The following IGF2BP2 variants were observed in gnomAD, a reference collection of about 807,000 sequenced individuals.
IGF2BP2 encodes the protein insulin like growth factor 2 mRNA binding protein 2.
In IGF2BP2, 17 loss-of-function variants were observed where a neutral mutation model predicts 75.8. The ratio of observed to expected loss-of-function variants is 0.22; its 90% confidence interval spans 0.15 to 0.34. The LOEUF (loss-of-function observed/expected upper bound fraction) is 0.34, where lower values mean the gene tolerates loss of function less well. Among genes scored for constraint, IGF2BP2 ranks in the 10% least tolerant of loss-of-function variants. The pLI, the probability that IGF2BP2 is intolerant of heterozygous loss-of-function variation, is 1.00. For missense variants in IGF2BP2, 516 were observed against 772.4 expected, an observed-to-expected ratio of 0.67 and a Z score of 3.93; for synonymous variants, 288 against 295.6, an observed-to-expected ratio of 0.97 and a Z score of 0.26.
chr3:185,778,593 G>C (rs1734820927), intron 2 of IGF2BP2, among the ~76,000 whole-genome samples: 1 of 152,188 alleles, frequency 6.6e-6, no homozygotes, highest in East Asian at 1.9e-4. Flanking sequence ...TCTACAGCTA[G>C]TCACAGTCTC....
At chr3:185,700,923 T>A (rs1358742578) in intron 2 of IGF2BP2, among the ~76,000 whole-genome samples, 1 of 152,186 alleles carries the variant, frequency 6.6e-6, no homozygotes, top group East Asian at 1.9e-4. Context: ...CAAGGTATGC[T>A]GTTACAAGAA....
At chr3:185,790,517 A>G (rs761361534) in intron 2 of IGF2BP2, among the ~76,000 whole-genome samples, 3 of 152,230 alleles carry the variant, frequency 2.0e-5, no homozygotes, top group Non-Finnish European at 4.4e-5. Context: ...GAGAATAACA[A>G]GAAAAATTTC....
At chr3:185,684,126 G>A (rs559507968) in intron 7 of IGF2BP2, among the ~76,000 whole-genome samples, 26 of 152,294 alleles carry the variant, frequency 1.7e-4, no homozygotes, top group African/African-American at 5.1e-4. Flanking sequence ...GGGCATTTTT[G>A]TCAGCTTTGT....
At chr3:185,793,274 G>A (rs1019600809) in intron 2 of IGF2BP2, among the ~76,000 whole-genome samples, 7 of 152,238 alleles carry the variant, frequency 4.6e-5, no homozygotes, top group South Asian at 4.1e-4. Context: ...CACCTTTCTC[G>A]CTGGTGGCCT....
At chr3:185,733,049 C>A (rs754711150) in intron 2 of IGF2BP2, among the ~76,000 whole-genome samples, 1 of 152,198 alleles carries the variant, frequency 6.6e-6, no homozygotes, top group African/African-American at 2.4e-5. Context: ...TGCTTCCCCA[C>A]CCTATTCATC....
At chr3:185,779,318 T>C (rs985327747) in intron 2 of IGF2BP2, among the ~76,000 whole-genome samples, 2 of 152,154 alleles carry the variant, frequency 1.3e-5, no homozygotes, top group Non-Finnish European at 2.9e-5. Flanking sequence ...TCCACAGAAT[T>C]CTCTGCACAA....
intron 5 of IGF2BP2, among the ~76,000 whole-genome samples, chr3:185,689,894 G>A (rs1721702901): frequency 1.3e-5 from 2 of 151,206 alleles, no homozygotes; most frequent in African/African-American, 2.4e-5. Context: ...CGTGAACCCG[G>A]GAGGCGGAGC....
chr3:185,746,802 T>C (rs979487293), intron 2 of IGF2BP2, among the ~76,000 whole-genome samples: 10 of 152,176 alleles, frequency 6.6e-5, no homozygotes, highest in South Asian at 2.1e-4. Flanking sequence ...AGCTATTATA[T>C]AGCAAAAGAG....
rs1020294028 is a variant in IGF2BP2, at chr3:185,676,774, GATATATATTTACTGGAAATAT to G, written c.813-882_813-862del. On this transcript the variant is annotated intron_variant, in intron 7 of 15. Transcript: ENST00000382199. The stretch of plus-strand genomic sequence containing the variant: ...TACTGGAGATATATATATATATGGA[GATATATATTTACTGGAAATAT>G]ATATATATTTACTGGAGATATATAT... 2.7e-4 allele frequency among the ~76,000 whole-genome samples: 37 copies of G among 137,032 alleles called. No homozygotes were observed. In the East Asian group the frequency reaches 3.7e-3, roughly 14 times the overall value. The allele number at this position is 137,032 out of a possible 152,430, so 89.9% of individuals were successfully genotyped here. A position where few individuals can be genotyped will look rare whatever the true frequency, so the allele number is the denominator to read the frequency against.
intron 2 of IGF2BP2, among the ~76,000 whole-genome samples, chr3:185,785,416 TAA>T (rs775451060): frequency 3.5e-5 from 5 of 143,682 alleles, no homozygotes; most frequent in Middle Eastern, 3.6e-3. Context: ...TAACGAGTGT[TAA>T]AAAAAAAAAA....
chr3:185,729,038 T>C (rs1307684583), intron 2 of IGF2BP2, among the ~76,000 whole-genome samples: 2 of 152,112 alleles, frequency 1.3e-5, no homozygotes, highest in African/African-American at 4.8e-5. Context: ...TGTTGTGTAC[T>C]CTTAGTGGAG....
intron 7 of IGF2BP2, among the ~76,000 whole-genome samples, chr3:185,680,643 C>G (rs1157405294): frequency 6.6e-6 from 1 of 152,146 alleles, no homozygotes; most frequent in Non-Finnish European, 1.5e-5. Flanking sequence ...AAGGTTTGTT[C>G]AGCATACAAT....
At chr3:185,682,792 CAT>C (rs944077020) in intron 7 of IGF2BP2, among the ~76,000 whole-genome samples, 27 of 152,198 alleles carry the variant, frequency 1.8e-4, no homozygotes, top group African/African-American at 6.5e-4. Flanking sequence ...CAGAAAATAA[CAT>C]GTGTTGGAGA....
At chr3:185,705,831 T>C (rs1313466663) in intron 2 of IGF2BP2, among the ~76,000 whole-genome samples, 1 of 152,144 alleles carries the variant, frequency 6.6e-6, no homozygotes, top group Non-Finnish European at 1.5e-5. Flanking sequence ...TTCATGAGGG[T>C]TCCACCTTAT....
intron 2 of IGF2BP2, chr3:185,712,424 A>T (rs1311379908): frequency 1.3e-5 from 2 of 152,180 alleles, no homozygotes; most frequent in Non-Finnish European, 2.9e-5. Context: ...AATTCTCCCC[A>T]CTCCTAATAA....
At chr3:185,674,152 G>A (rs903433848) in intron 9 of IGF2BP2, among the ~76,000 whole-genome samples, 1 of 152,090 alleles carries the variant, frequency 6.6e-6, no homozygotes, top group Non-Finnish European at 1.5e-5. Flanking sequence ...GAGGGACCTG[G>A]GTTTAATCTA....
intron 2 of IGF2BP2, among the ~76,000 whole-genome samples, chr3:185,798,829 A>T (rs1005044628): frequency 7.0e-6 from 1 of 142,938 alleles, no homozygotes; most frequent in African/African-American, 2.7e-5. Flanking sequence ...TTACTCTGTC[A>T]TCCAGGCTGG....
intron 2 of IGF2BP2, among the ~76,000 whole-genome samples, chr3:185,749,824 AGAGCATGAATT>A (rs1252113457): frequency 1.3e-5 from 2 of 152,240 alleles, no homozygotes; most frequent in Non-Finnish European, 1.5e-5. Context: ...CACCAAGCCA[AGAGCATGAATT>A]AGGTTGGCCC....
chr3:185,671,039 C>A (rs958425229), intron 10 of IGF2BP2, among the ~76,000 whole-genome samples: 5 of 151,972 alleles, frequency 3.3e-5, no homozygotes, highest in African/African-American at 1.2e-4. Flanking sequence ...CTTGGTTGTA[C>A]CTCATTGGGC....
Sources: allele counts gnomAD v4.1 joint callset (sites outside exome capture counted in the v4.1 genomes callset), GRCh38; gene constraint gnomAD v4.1.1; transcripts MANE v1.5; gene names NCBI Gene and HGNC (gene_info 2026-07-23, HGNC 2026-07-21).